CDH23: variants seen among roughly 807,000 people sequenced by gnomAD.
CDH23 encodes the protein cadherin related 23.
A neutral mutation model predicts 317.1 loss-of-function variants in CDH23; 189 were observed. The observed-to-expected ratio is 0.60, with a 90% confidence interval of 0.53 to 0.67. The LOEUF (loss-of-function observed/expected upper bound fraction) is 0.67, where lower values mean the gene tolerates loss of function less well. Among genes scored for constraint, CDH23 ranks in the 30% least tolerant of loss-of-function variants. CDH23 has a pLI of 0.00. For synonymous variants in CDH23, 1,839 were observed against 1,876.8 expected, an observed-to-expected ratio of 0.98 and a Z score of 0.52; for missense variants, 4,401 against 4,592.4, an observed-to-expected ratio of 0.96 and a Z score of 1.20.
chr10:71,673,768 G>A (rs139920893), intron 14 of CDH23, among the ~76,000 whole-genome samples: 39 of 152,356 alleles, frequency 2.6e-4, no homozygotes, highest in African/African-American at 8.4e-4. Context: ...CTACCTCACA[G>A]GGCTGTTGTG....
At chr10:71,502,300 G>A (rs894833328) in intron 3 of CDH23, among the ~76,000 whole-genome samples, 1 of 152,220 alleles carries the variant, frequency 6.6e-6, no homozygotes, top group African/African-American at 2.4e-5. Flanking sequence ...GCTTTCTTGT[G>A]CCTTTTAGGA....
chr10:71,576,907 G>T (rs1394198928), intron 8 of CDH23, among the ~76,000 whole-genome samples: 1 of 152,174 alleles, frequency 6.6e-6, no homozygotes, highest in African/African-American at 2.4e-5. Context: ...ATTCGAATGT[G>T]CCAGTTGTAT....
intron 9 of CDH23, among the ~76,000 whole-genome samples, chr10:71,608,983 A>C (rs1271707740): frequency 6.6e-6 from 1 of 152,180 alleles, no homozygotes; most frequent in Non-Finnish European, 1.5e-5. Context: ...GTGTTCCCGC[A>C]CGCACCATCG....
intron 1 of CDH23, among the ~76,000 whole-genome samples, chr10:71,409,536 G>T (rs941564713): frequency 6.6e-6 from 1 of 152,174 alleles, no homozygotes; most frequent in African/African-American, 2.4e-5. Context: ...CCACGTGGCT[G>T]TTTCCTGACT....
intron 38 of CDH23, among the ~76,000 whole-genome samples, chr10:71,768,771 T>TGCTCG (rs1840618831): frequency 6.6e-6 from 1 of 152,250 alleles, no homozygotes; most frequent in Non-Finnish European, 1.5e-5. Flanking sequence ...TGAGCCACTG[T>TGCTCG]GCTCGGCCTC....
rs757448884 is a variant in CDH23 at position 71,793,351 on chromosome 10, G to A, written c.6423G>A (p.Arg2141=). ...ACAGAGAGGAGCAGGAGTCCTACAG[G>A]CTAACGGTGGTGGCCACCGACCGGG... The part of the protein sequence containing the change: ...TIDREEQESY[R]LTVVATDRGT... Residue 2141 remains arginine (R), a synonymous_variant, in exon 48 of 70, where the codon AGG becomes AGA. Transcript: ENST00000224721. 1 of 1,613,828 alleles carries A rather than the reference G, an allele frequency of 6.2e-7. No homozygotes were observed. The highest frequency in any genetic ancestry group is 1.7e-5 in the Admixed American group (1 of 59,998).
At position 71,438,569 on chromosome 10, in the gene CDH23, T is replaced by A. The variant is rs140513434; in HGVS notation, c.-5-1258T>A. 4.4e-3 allele frequency among the ~76,000 whole-genome samples: 669 copies of A among 152,220 alleles called. 3 individuals are homozygous for A. Among genetic ancestry groups the A allele is most frequent in the Non-Finnish European group, 8.0e-3 (543 of 67,998 alleles). On this transcript the variant is annotated intron_variant, in intron 1 of 69. Transcript: ENST00000224721. ...ATGGGCTGAGAGGGATTGAGGCCTC[T>A]CCAAGTCCAGAATTAAGGGGTCCAC...
chr10:71,662,335 T>C (rs1863710301), intron 14 of CDH23, among the ~76,000 whole-genome samples: 1 of 152,124 alleles, frequency 6.6e-6, no homozygotes, highest in Admixed American at 6.5e-5. Flanking sequence ...CCAAGTCACC[T>C]TGGAGTGAGG....
rs754605688 is a variant in CDH23 at position 71,791,178 on chromosome 10, C to G, written c.6096C>G (p.Phe2032Leu). ...RSGVIIDREA[F>L]SPPILELLLL... The stretch of plus-strand genomic sequence containing the variant: ...GTGTCATCATTGACCGGGAGGCATT[C>G]TCGCCACCCATCCTGGAGCTGCTGC... The change falls in exon 47 of 70, where the codon TTC (phenylalanine) becomes TTG (leucine). Residue 2032 changes from phenylalanine (F) to leucine (L), a missense_variant. By Grantham distance (22) the Phe-to-Leu change is conservative. Around this residue, in one of 3 missense-constraint regions of CDH23, gnomAD observed 3,068 missense variants for 3,203.3 expected, o/e 0.96. Transcript: ENST00000224721. The G allele has an allele frequency of 1.2e-6, 2 of 1,612,852 alleles. No homozygotes were observed. Among genetic ancestry groups the G allele is most frequent in the African/African-American group, 1.3e-5 (1 of 74,912 alleles).
intron 1 of CDH23, among the ~76,000 whole-genome samples, chr10:71,407,693 C>T (rs1848165911): frequency 6.6e-6 from 1 of 152,166 alleles, no homozygotes; most frequent in Admixed American, 6.5e-5. Flanking sequence ...CTGGGCTTTC[C>T]GGGTCTCGAC....
In CDH23 at chr10:71,740,842, C is replaced by G. The variant is rs10999978; in HGVS notation, c.4509C>G (p.Gly1503=). 6.2e-7 allele frequency: 1 copy of G among 1,613,734 alleles called. No individual in the cohort carries two copies. Among genetic ancestry groups the G allele is most frequent in the African/African-American group, 1.3e-5 (1 of 75,034 alleles). The part of the protein sequence containing the change: ...YILQVVASDR[G]TPPRKKDHIL... ...TGCAGGTTGTGGCTTCTGACCGAGG[C>G]ACCCCTCCACGGAAGAAGGACCACA... is the stretch of plus-strand genomic sequence containing the variant. The change falls in exon 37 of 70, where the codon GGC becomes GGG. Residue 1503 remains glycine, a synonymous_variant. Coordinates refer to ENST00000224721, the MANE Select transcript of CDH23 (RefSeq NM_022124.6).
At chr10:71,493,450 G>C (rs1852777816) in intron 3 of CDH23, among the ~76,000 whole-genome samples, 1 of 152,138 alleles carries the variant, frequency 6.6e-6, no homozygotes, top group South Asian at 2.1e-4. Context: ...CTGTCCGTCT[G>C]TCCATCCATC....
At chr10:71,630,048 G>A (rs1358693045) in intron 11 of CDH23, among the ~76,000 whole-genome samples, 3 of 151,912 alleles carry the variant, frequency 2.0e-5, no homozygotes, top group Non-Finnish European at 4.4e-5. Context: ...TTGAGACAAC[G>A]TATCACTCTG....
intron 1 of CDH23, among the ~76,000 whole-genome samples, chr10:71,411,544 T>C (rs1848343953): frequency 6.6e-6 from 1 of 152,176 alleles, no homozygotes; most frequent in African/African-American, 2.4e-5. Flanking sequence ...TATGATTATG[T>C]TTTCTATAAA....
At chr10:71,456,131 A>T (rs1850683473) in intron 3 of CDH23, among the ~76,000 whole-genome samples, 1 of 150,320 alleles carries the variant, frequency 6.7e-6, no homozygotes, top group African/African-American at 2.5e-5. Context: ...GCGCTTAAGG[A>T]GGGGAAGGGA....
chr10:71,426,292 C>T (rs1849075021), intron 1 of CDH23, among the ~76,000 whole-genome samples: 1 of 152,202 alleles, frequency 6.6e-6, no homozygotes, highest in South Asian at 2.1e-4. Context: ...CTGCTCTGCA[C>T]TTTCAGAGGG....
intron 28 of CDH23, 105 bp from the exon 29 acceptor site, chr10:71,723,940 C>A: frequency 7.7e-7 from 1 of 1,299,606 alleles, no homozygotes; most frequent in Non-Finnish European, 1.1e-6. Context: ...CAGGTTTTGG[C>A]AGGATGGGGT....
At position 71,793,319 on chromosome 10, in the gene CDH23, A is replaced by G. The variant is rs1841312986; in HGVS notation, c.6391A>G (p.Thr2131Ala). The change falls in exon 48 of 70, where the codon ACC becomes GCC. Residue 2131 changes from threonine to alanine, a missense_variant. Thr to Ala is a moderately conservative substitution (Grantham distance 58, BLOSUM62 0). This residue lies in a region of CDH23 where 3,068 missense variants were observed against 3,203.3 expected (regional missense o/e 0.96). Transcript: ENST00000224721. ...VTGVIRVGNA[T>A]IDREEQESYR... Reference sequence around the variant, plus strand: ...CGGGGTCATCCGTGTTGGTAATGCCACCATCGACAGAGAGGAGCAGGAGTC... The same window carrying G: ...CGGGGTCATCCGTGTTGGTAATGCCGCCATCGACAGAGAGGAGCAGGAGTC... 1.2e-6 allele frequency: 2 copies of G among 1,613,850 alleles called. No individual in the cohort carries two copies. Among genetic ancestry groups the G allele is most frequent in the Admixed American group, 1.7e-5 (1 of 60,004 alleles).
At chr10:71,405,310 G>GC (rs2131902953) in intron 1 of CDH23, among the ~76,000 whole-genome samples, 1 of 152,260 alleles carries the variant, frequency 6.6e-6, no homozygotes, top group African/African-American at 2.4e-5. Context: ...CTTTCCTGGA[G>GC]CCAGGATCAC....
Sources: gnomAD v4.1 joint callset for allele counts (sites outside exome capture counted in the v4.1 genomes callset) on GRCh38, gnomAD v4.1.1 for gene constraint, gnomAD v4.1.1 regional missense constraint, MANE v1.5 for transcripts, NCBI Gene and HGNC (gene_info 2026-07-23, HGNC 2026-07-21) for gene names.